Variants in MYCBP2 observed in about 807,000 individuals in gnomAD.
MYCBP2 encodes the protein E3 ubiquitin-protein ligase MYCBP2.
MYCBP2 carries 120 observed loss-of-function variants against 525.3 expected under a neutral mutation model. The observed-to-expected ratio is 0.23, with a 90% confidence interval of 0.20 to 0.27. MYCBP2 has a LOEUF of 0.27. Ranked by LOEUF, MYCBP2 falls within the 10% of genes least tolerant of loss-of-function variation. MYCBP2 has a pLI of 1.00. For synonymous variants in MYCBP2, 1,894 were observed against 1,955.8 expected, an observed-to-expected ratio of 0.97 and a Z score of 0.83; for missense variants, 4,149 against 5,657.1, an observed-to-expected ratio of 0.73 and a Z score of 8.55.
intron 47 of MYCBP2, among the ~76,000 whole-genome samples, chr13:77,147,824 C>T (rs1044820031): frequency 1.3e-5 from 2 of 152,094 alleles, no homozygotes; most frequent in Non-Finnish European, 2.9e-5. Context: ...CAATACTTGG[C>T]TCACTACTGA....
chr13:77,265,634 T>C (rs1436055775), intron 8 of MYCBP2, among the ~76,000 whole-genome samples: 1 of 152,158 alleles, frequency 6.6e-6, no homozygotes, highest in Non-Finnish European at 1.5e-5. Flanking sequence ...TGGTATTCAT[T>C]ACCATCTATA....
intron 62 of MYCBP2, among the ~76,000 whole-genome samples, chr13:77,087,021 G>T (rs1206242055): frequency 6.6e-6 from 1 of 151,884 alleles, no homozygotes; most frequent in African/African-American, 2.4e-5. Context: ...CATTGTTGAG[G>T]GTCTATTTCT....
intron 32 of MYCBP2, among the ~76,000 whole-genome samples, chr13:77,182,444 CAACACATG>C (rs2060297003): frequency 6.6e-6 from 1 of 152,092 alleles, no homozygotes; most frequent in Non-Finnish European, 1.5e-5. Context: ...GCATTAAAGC[CAACACATG>C]ATATCCTAAT....
At chr13:77,250,079 C>T (rs997265327) in intron 15 of MYCBP2, among the ~76,000 whole-genome samples, 3 of 151,852 alleles carry the variant, frequency 2.0e-5, no homozygotes, top group East Asian at 1.9e-4. Flanking sequence ...AAAAATTAGC[C>T]GGGCGTAGTG....
At chr13:77,089,747 T>C (rs1226742208) in intron 60 of MYCBP2, among the ~76,000 whole-genome samples, 2 of 151,846 alleles carry the variant, frequency 1.3e-5, no homozygotes, top group Non-Finnish European at 2.9e-5. Context: ...CAAGCTTCAG[T>C]TGGGGTGGAG....
intron 55 of MYCBP2, among the ~76,000 whole-genome samples, chr13:77,104,081 AC>A (rs1452519096): frequency 6.6e-6 from 1 of 152,082 alleles, no homozygotes; most frequent in Non-Finnish European, 1.5e-5. Flanking sequence ...AAGCTAAAAA[AC>A]ATCTCTATCT....
At chr13:77,278,945 A>C (rs2075906886) in intron 3 of MYCBP2, 34 bp from the exon 4 acceptor site, 2 of 1,460,104 alleles carry the variant, frequency 1.4e-6, no homozygotes, top group Non-Finnish European at 1.8e-6. Context: ...ATACTTTATG[A>C]CATGTAAGCT....
chr13:77,225,688 G>C (rs2066158853), intron 18 of MYCBP2, 134 bp from the exon 19 acceptor site: 3 of 1,101,594 alleles, frequency 2.7e-6, no homozygotes, highest in African/African-American at 3.2e-5. Flanking sequence ...GTAGCTGTTA[G>C]AAGTGATAGA....
intron 52 of MYCBP2, among the ~76,000 whole-genome samples, chr13:77,135,438 T>C (rs926428549): frequency 2.0e-5 from 3 of 152,200 alleles, no homozygotes; most frequent in African/African-American, 7.2e-5. Flanking sequence ...ATCATTATTC[T>C]ATGTCCTACC....
chr13:77,204,310 C>G lies in MYCBP2; in HGVS notation c.3843+946G>C, dbSNP rs1464642194. On this transcript the variant is annotated intron_variant, in intron 26 of 82. Transcript: ENST00000544440. ...ACACTTGAAAAAATGCTCACCATCA[C>G]TGGCCATCAGAGAAATGCAAATCAA... Among the ~76,000 whole-genome samples, 37 of 150,854 alleles carry G rather than the reference C, an allele frequency of 2.5e-4. No homozygotes were observed. In the South Asian group the frequency reaches 7.5e-3, roughly 31 times the overall value.
At chr13:77,088,633 G>C (rs2044794661) in intron 61 of MYCBP2, among the ~76,000 whole-genome samples, 199 bp downstream of exon 61, 2 of 152,204 alleles carry the variant, frequency 1.3e-5, no homozygotes, top group South Asian at 4.2e-4. Flanking sequence ...TCTTTAGGGT[G>C]CTTAAATATG....
intron 82 of MYCBP2, among the ~76,000 whole-genome samples, chr13:77,050,407 C>T (rs1315064155): frequency 3.9e-5 from 6 of 152,144 alleles, no homozygotes; most frequent in South Asian, 4.1e-4. Context: ...CTCTCACTTC[C>T]GTGAAGCCTG....
chr13:77,196,598 T>C (rs1280461951), intron 26 of MYCBP2, among the ~76,000 whole-genome samples: 12 of 152,138 alleles, frequency 7.9e-5, no homozygotes, highest in Admixed American at 7.9e-4. Flanking sequence ...GAAGTGGATG[T>C]GTGTAAAAGA....
At chr13:77,260,715 T>C (rs111877092) in intron 12 of MYCBP2, 123 bp from the exon 13 acceptor site, 4 of 838,166 alleles carry the variant, frequency 4.8e-6, no homozygotes, top group African/African-American at 3.6e-5. Context: ...TTGTTTATTT[T>C]CACAAAGGCC....
intron 39 of MYCBP2, 92 bp downstream of exon 39, chr13:77,169,522 G>T: frequency 9.6e-7 from 1 of 1,044,866 alleles, no homozygotes; most frequent in Non-Finnish European, 1.4e-6. Flanking sequence ...ATGCCTCAAA[G>T]ATGCAAGTTT....
At chr13:77,226,475 T>C (rs2066282782) in intron 18 of MYCBP2, among the ~76,000 whole-genome samples, 1 of 152,202 alleles carries the variant, frequency 6.6e-6, no homozygotes, top group Admixed American at 6.5e-5. Flanking sequence ...TTCAAATTCC[T>C]TGTACACAGA....
intron 35 of MYCBP2, 143 bp from the exon 36 acceptor site, chr13:77,176,771 G>T (rs986186704): frequency 6.7e-6 from 4 of 596,666 alleles, no homozygotes; most frequent in Non-Finnish European, 9.7e-6. Context: ...ACATATGAAA[G>T]AAAAAGTTGG....
At position 77,166,457 on chromosome 13, in the gene MYCBP2, A is replaced by T. The variant is rs201342476; in HGVS notation, c.6212T>A (p.Val2071Asp). 4.0e-5 allele frequency: 65 copies of T among 1,613,928 alleles called. No individual in the cohort carries two copies. The highest frequency in any genetic ancestry group is 5.2e-5 in the Non-Finnish European group (61 of 1,179,950). ...ATATCCTGAATTCTGAACAGTTCTG[A>T]CAGGAATCAACAAACGAAGGACATC... ...SEDVLRLLIP[V>D]RTVQNSGYGP... Residue 2071 changes from valine (V) to aspartate (D), a missense_variant, in exon 41 of 83, where the codon GTC becomes GAC. By Grantham distance (152) the Val-to-Asp change is radical. Transcript: ENST00000544440.
At chr13:77,205,011 C>T (rs976700847) in intron 26 of MYCBP2, among the ~76,000 whole-genome samples, 1 of 151,536 alleles carries the variant, frequency 6.6e-6, no homozygotes, top group African/African-American at 2.4e-5. Context: ...AACTAACCTG[C>T]ACATTGTGCA....
Sources: gnomAD v4.1 joint callset for allele counts (sites outside exome capture counted in the v4.1 genomes callset) on GRCh38, gnomAD v4.1.1 for gene constraint, MANE v1.5 for transcripts, NCBI Gene and HGNC (gene_info 2026-07-23, HGNC 2026-07-21) for gene names.